DACH2: variants seen among roughly 807,000 people sequenced by gnomAD.
DACH2 encodes dachshund family transcription factor 2.
In DACH2, 17 loss-of-function variants were observed where a neutral mutation model predicts 35.8. The observed-to-expected ratio is 0.48, with a 90% CI of 0.33 to 0.71. The LOEUF is 0.71. DACH2 is among the 30% of genes least tolerant of loss of function. The probability of loss-of-function intolerance (pLI) is 0.02; values close to 1 mark genes in which losing one functional copy is unlikely to be tolerated. For missense variants in DACH2, 469 were observed against 472.7 expected (o/e 0.99, Z 0.07); for synonymous variants, 195 against 177.3 (o/e 1.10, Z -0.79).
At chrX:86,456,781 AT>A (rs773921082) in intron 2 of DACH2, among the ~76,000 whole-genome samples, 86 of 103,713 alleles carry the variant, frequency 8.3e-4, no homozygotes, top group East Asian at 2.7e-3. Context: ...ATTGCCCTCA[AT>A]TTTTTTTTTT....
intron 3 of DACH2, among the ~76,000 whole-genome samples, chrX:86,593,609 T>C (rs956881545): frequency 5.5e-5 from 6 of 108,260 alleles, no homozygotes; most frequent in African/African-American, 1.7e-4. Flanking sequence ...GTACTTTTTG[T>C]AGAGATGGGG....
chrX:86,341,900 C>T (rs2035420228), intron 1 of DACH2, among the ~76,000 whole-genome samples: 1 of 111,902 alleles, frequency 8.9e-6, no homozygotes, highest in Non-Finnish European at 1.9e-5. Context: ...TGAATTGCTG[C>T]AATCTCATGC....
At chrX:86,465,588 C>T (rs1265476005) in intron 2 of DACH2, among the ~76,000 whole-genome samples, 2 of 111,772 alleles carry the variant, frequency 1.8e-5, no homozygotes, top group African/African-American at 3.2e-5. Context: ...CAATGTCCTA[C>T]GTTGAGCCTT....
At chrX:86,254,152 A>G (rs2033454634) in intron 1 of DACH2, among the ~76,000 whole-genome samples, 1 of 111,683 alleles carries the variant, frequency 9.0e-6, no homozygotes, top group African/African-American at 3.2e-5. Flanking sequence ...TGGCATTTAC[A>G]TTTTAGATCA....
At chrX:86,583,340 T>C (rs55925742) in intron 3 of DACH2, among the ~76,000 whole-genome samples, 2 of 110,049 alleles carry the variant, frequency 1.8e-5, no homozygotes, top group East Asian at 5.8e-4. Context: ...TTATTGAACA[T>C]AGTACTGGAA....
intron 1 of DACH2, among the ~76,000 whole-genome samples, chrX:86,212,156 T>A (rs1407718839): frequency 9.0e-6 from 1 of 111,456 alleles, no homozygotes; most frequent in Non-Finnish European, 1.9e-5. Flanking sequence ...CATTTCTTTA[T>A]TTTGCTCTAA....
chrX:86,427,712 C>T (rs1336490760), intron 2 of DACH2, among the ~76,000 whole-genome samples: 1 of 111,203 alleles, frequency 9.0e-6, no homozygotes, highest in Non-Finnish European at 1.9e-5. Flanking sequence ...AATGAAAAGC[C>T]TTAAATATAT....
intron 1 of DACH2, among the ~76,000 whole-genome samples, chrX:86,312,227 TTTTTCC>T (rs1426828071): frequency 8.9e-6 from 1 of 112,441 alleles, no homozygotes; most frequent in Non-Finnish European, 1.9e-5. Flanking sequence ...TATTTTGATT[TTTTTCC>T]TTTTCCTTTA....
At chrX:86,248,403 C>T (rs1186274255) in intron 1 of DACH2, among the ~76,000 whole-genome samples, 1 of 110,927 alleles carries the variant, frequency 9.0e-6, no homozygotes, top group African/African-American at 3.3e-5. Context: ...CTAACAACCT[C>T]CAAGCTGAGA....
At chrX:86,681,720 A>G (rs1486228345) in intron 4 of DACH2, among the ~76,000 whole-genome samples, 1 of 107,561 alleles carries the variant, frequency 9.3e-6, no homozygotes, top group African/African-American at 3.4e-5. Flanking sequence ...TGAATTAGAT[A>G]TATTTTCATT....
intron 4 of DACH2, among the ~76,000 whole-genome samples, chrX:86,657,316 A>G (rs1035472865): frequency 2.7e-5 from 3 of 111,252 alleles, no homozygotes; most frequent in Admixed American, 9.5e-5. Context: ...CCCTGATGTG[A>G]TTATTGTTTT....
intron 5 of DACH2, among the ~76,000 whole-genome samples, chrX:86,696,440 A>C (rs895145818): frequency 8.9e-6 from 1 of 112,536 alleles, no homozygotes; most frequent in African/African-American, 3.2e-5. Flanking sequence ...AAGTTAAAAA[A>C]GGACTGATTA....
chrX:86,314,372 G>A (rs1486874567), intron 1 of DACH2, among the ~76,000 whole-genome samples: 1 of 110,690 alleles, frequency 9.0e-6, no homozygotes, highest in Admixed American at 9.7e-5. Flanking sequence ...TAAAAAATTA[G>A]CTGAGCATAC....
intron 1 of DACH2, among the ~76,000 whole-genome samples, chrX:86,284,624 G>A (rs1180601780): frequency 1.0e-5 from 1 of 100,355 alleles, no homozygotes; most frequent in Non-Finnish European, 1.9e-5. Context: ...CATAGAATGA[G>A]TTTGGAAGCA....
chrX:86,442,391 G>GTGTTTGT (rs1556160713), intron 2 of DACH2, among the ~76,000 whole-genome samples: 1 of 70,537 alleles, frequency 1.4e-5, no homozygotes, highest in Non-Finnish European at 2.8e-5. Context: ...GTGTGTGTAT[G>GTGTTTGT]TTTTTTTTTT....
chrX:86,161,506 G>A, intron 1 of DACH2: 1 of 341,876 alleles, frequency 2.9e-6, no homozygotes, highest in South Asian at 8.8e-5. Context: ...GACACCAGAG[G>A]AATTATAGCT....
intron 2 of DACH2, among the ~76,000 whole-genome samples, chrX:86,428,446 C>T (rs1488206123): frequency 1.8e-5 from 2 of 111,702 alleles, no homozygotes; most frequent in Non-Finnish European, 3.8e-5. Context: ...TTTACAAAAG[C>T]CACCATGCTA....
intron 7 of DACH2, among the ~76,000 whole-genome samples, chrX:86,749,904 T>G (rs2041753620): frequency 9.0e-6 from 1 of 111,637 alleles, no homozygotes; most frequent in African/African-American, 3.2e-5. Flanking sequence ...GAAATATAAT[T>G]AATTTTTCTA....
chrX:86,816,510 C>G (rs1306640189), intron 11 of DACH2, among the ~76,000 whole-genome samples: 1 of 111,980 alleles, frequency 8.9e-6, no homozygotes, highest in Non-Finnish European at 1.9e-5. Flanking sequence ...CAGGTACAAT[C>G]ATTGTAACCT....
Sources: allele counts gnomAD v4.1 joint callset (sites outside exome capture counted in the v4.1 genomes callset), GRCh38; gene constraint gnomAD v4.1.1; transcripts MANE v1.5; gene names NCBI Gene and HGNC (gene_info 2026-07-23, HGNC 2026-07-21).